SASH1: variants seen among roughly 807,000 people sequenced by gnomAD.
SASH1 encodes SAM and SH3 domain containing 1, also known as SAM and SH3 domain-containing protein 1.
In SASH1, 44 loss-of-function variants were observed where a neutral mutation model predicts 125.2. That is an observed-to-expected ratio of 0.35 (90% confidence interval 0.28 to 0.45). The LOEUF (loss-of-function observed/expected upper bound fraction) is 0.45, where lower values mean the gene tolerates loss of function less well. Among genes scored for constraint, SASH1 ranks in the 20% least tolerant of loss-of-function variants. SASH1 has a pLI of 1.00. For missense variants in SASH1, 1,426 were observed against 1,614.5 expected, an observed-to-expected ratio of 0.88 and a Z score of 2.00; for synonymous variants, 639 against 649.1, an observed-to-expected ratio of 0.98 and a Z score of 0.24.
chr6:148,336,421 G>A (rs1438027757), intron 1 of SASH1, among the ~76,000 whole-genome samples: 2 of 151,750 alleles, frequency 1.3e-5, no homozygotes, highest in African/African-American at 2.4e-5. Context: ...CAGGTGATCC[G>A]CCCGCCTCAG....
At chr6:148,376,893 G>A (rs9390561) in intron 1 of SASH1, among the ~76,000 whole-genome samples, 52,660 of 151,176 alleles carry the variant, frequency 0.35, 9,297 homozygotes, top group Admixed American at 0.39. Flanking sequence ...AAACTCGGCC[G>A]GGCGCGGTGG....
intron 2 of SASH1, among the ~76,000 whole-genome samples, chr6:148,431,684 A>G (rs538065418): frequency 1.3e-5 from 2 of 151,718 alleles, no homozygotes; most frequent in East Asian, 3.9e-4. Flanking sequence ...GAGCTCATCT[A>G]GTGGGACGGC....
chr6:148,302,308 T>G (rs1779980720), intron 1 of SASH1, among the ~76,000 whole-genome samples: 3 of 47,732 alleles, frequency 6.3e-5, no homozygotes, highest in South Asian at 9.4e-4. Context: ...CAAGACTCCG[T>G]CTCAAAAAAA....
At chr6:148,514,173 T>C in intron 8 of SASH1, 151 bp from the exon 9 acceptor site, 2 of 1,439,592 alleles carry the variant, frequency 1.4e-6, no homozygotes, top group Non-Finnish European at 1.8e-6. Context: ...TGTGGCACTT[T>C]GTAAACCTCT....
chr6:148,477,692 A>ATTTTTT (rs71004300), intron 7 of SASH1, among the ~76,000 whole-genome samples: 2 of 95,868 alleles, frequency 2.1e-5, no homozygotes, highest in South Asian at 3.8e-4. Context: ...CACCTGGCTA[A>ATTTTTT]TTTTTTTTTT....
intron 8 of SASH1, chr6:148,508,926 T>C (rs2115303547): frequency 9.4e-7 from 1 of 1,058,600 alleles, no homozygotes; most frequent in Admixed American, 2.3e-5. Flanking sequence ...TGTTTTCTGT[T>C]GCTTCAAGTA....
the SASH1 span, among the ~76,000 whole-genome samples, chr6:148,241,968 C>T: frequency 6.6e-6 from 1 of 152,134 alleles, no homozygotes; most frequent in Non-Finnish European, 1.5e-5. Flanking sequence ...GAGCATGAGA[C>T]CCCCATCCAT....
chr6:148,549,334 A>C lies in SASH1; in HGVS notation c.*776A>C. On this transcript the variant is annotated 3_prime_UTR_variant, in exon 20 of 20. Coordinates refer to ENST00000367467, the MANE Select transcript of SASH1 (RefSeq NM_015278.5). Reference sequence around the variant, plus strand: ...GAGGTATTCATCAGCCACACACTTCATGTTGGTTTTTGGTTTTTAAGCTAA... The same window carrying C: ...GAGGTATTCATCAGCCACACACTTCCTGTTGGTTTTTGGTTTTTAAGCTAA... 6.2e-6 allele frequency: 2 copies of C among 321,160 alleles called. No homozygotes were observed. Among genetic ancestry groups the C allele is most frequent in the Non-Finnish European group, 1.1e-5 (2 of 177,892 alleles). The allele number at this position is 321,160 out of a possible 1,614,324, so 19.9% of individuals were successfully genotyped here.
At chr6:148,203,238 A>G in the SASH1 span, among the ~76,000 whole-genome samples, 2 of 152,138 alleles carry the variant, frequency 1.3e-5, no homozygotes, top group Admixed American at 6.5e-5. Flanking sequence ...GTCACCAGGT[A>G]TTTGGCATTA....
At chr6:148,440,528 T>C (rs1776501305) in intron 4 of SASH1, 121 bp downstream of exon 4, 1 of 825,880 alleles carries the variant, frequency 1.2e-6, no homozygotes, top group Non-Finnish European at 2.0e-6. Flanking sequence ...GATGTCATTT[T>C]CCTTAACATG....
intron 9 of SASH1, among the ~76,000 whole-genome samples, chr6:148,518,843 T>C (rs907425420): frequency 1.3e-5 from 2 of 152,174 alleles, no homozygotes; most frequent in Non-Finnish European, 2.9e-5. Context: ...CTGGAATCCC[T>C]GAGACCAGTG....
In SASH1 at chr6:148,537,762, T is replaced by C. The variant is rs1373869315; in HGVS notation, c.2096-2681T>C. 4.7e-5 allele frequency among the ~76,000 whole-genome samples: 7 copies of C among 149,794 alleles called. No homozygotes were observed. The South Asian group carries it at 1.5e-3, about 32-fold the overall frequency. On this transcript the variant is annotated intron_variant, in intron 16 of 19. Transcript: ENST00000367467. ...CTTTTGATGTTGGAATATTCATAGG[T>C]GTCTTAGCATATTCTGTGTGTGTGT...
the SASH1 span, among the ~76,000 whole-genome samples, chr6:148,225,827 T>C: frequency 6.6e-6 from 1 of 152,242 alleles, no homozygotes; most frequent in South Asian, 2.1e-4. Context: ...AATCTATAAA[T>C]ATTCAGAAGC....
chr6:148,540,329 T>G, intron 16 of SASH1, 114 bp from the exon 17 acceptor site: 1 of 721,790 alleles, frequency 1.4e-6, no homozygotes, highest in East Asian at 2.7e-5. Context: ...TAAGATAAAT[T>G]GTTCTCTTCC....
chr6:148,284,083 C>T (rs190615222), intron 1 of SASH1, among the ~76,000 whole-genome samples: 6 of 152,146 alleles, frequency 3.9e-5, no homozygotes, highest in South Asian at 2.1e-4. Flanking sequence ...GGAACCTACC[C>T]GAAGATTTTT....
intron 4 of SASH1, among the ~76,000 whole-genome samples, chr6:148,443,261 G>A (rs1776623326): frequency 6.6e-6 from 1 of 150,850 alleles, no homozygotes; most frequent in South Asian, 2.1e-4. Context: ...GTTTGATGAA[G>A]TATTTGTTGT....
chr6:148,194,893 G>A, the SASH1 span, among the ~76,000 whole-genome samples: 4 of 152,112 alleles, frequency 2.6e-5, no homozygotes, highest in Admixed American at 6.5e-5. Context: ...GCGACAGAGC[G>A]AGACTCCGTC....
the SASH1 span, among the ~76,000 whole-genome samples, chr6:148,201,512 AC>A: frequency 1.3e-5 from 2 of 151,144 alleles, no homozygotes; most frequent in Non-Finnish European, 2.9e-5. Context: ...CTAGGGTGGG[AC>A]CCCCAAATTT....
intron 8 of SASH1, chr6:148,513,755 G>A: frequency 1.0e-6 from 1 of 986,018 alleles, no homozygotes; most frequent in Non-Finnish European, 1.2e-6. Context: ...AAGGAGCCGG[G>A]AGAGGCGGAA....
Sources: allele counts gnomAD v4.1 joint callset (sites outside exome capture counted in the v4.1 genomes callset), GRCh38; gene constraint gnomAD v4.1.1; transcripts MANE v1.5; gene names NCBI Gene and HGNC (gene_info 2026-07-23, HGNC 2026-07-21).